The following MYOM2 variants were observed in gnomAD, a reference collection of about 807,000 sequenced individuals.
MYOM2 encodes myomesin 2, also known as myomesin-2.
In MYOM2, 254 loss-of-function variants were observed where a neutral mutation model predicts 187.6. That is an observed-to-expected ratio of 1.35 (90% CI 1.22 to 1.50). The LOEUF is 1.50. Among genes scored for constraint, MYOM2 ranks in the 40% most tolerant of loss-of-function variants. MYOM2 has a pLI of 0.00. For synonymous variants in MYOM2, 981 were observed against 753.8 expected, an observed-to-expected ratio of 1.30 and a Z score of -4.94; for missense variants, 2,796 against 1,924.0, an observed-to-expected ratio of 1.45 and a Z score of -8.48.
intron 6 of MYOM2, among the ~76,000 whole-genome samples, chr8:2,063,724 T>C (rs1818922836): frequency 6.6e-6 from 1 of 152,222 alleles, no homozygotes; most frequent in African/African-American, 2.4e-5. Flanking sequence ...CAGCTGCCCA[T>C]GAGAATTGAT....
chr8:2,105,827 C>T (rs1040098750), intron 21 of MYOM2, among the ~76,000 whole-genome samples: 1 of 152,178 alleles, frequency 6.6e-6, no homozygotes, highest in Non-Finnish European at 1.5e-5. Flanking sequence ...GGTACCCCCT[C>T]GGCATTAGTC....
At chr8:2,084,146 G>C (rs76919587) in intron 13 of MYOM2, among the ~76,000 whole-genome samples, 2,950 of 152,278 alleles carry the variant, frequency 0.019, 45 homozygotes, top group East Asian at 0.03. Flanking sequence ...TTTTTTCTGT[G>C]GGTATCTAGG....
intron 27 of MYOM2, among the ~76,000 whole-genome samples, chr8:2,117,212 A>G (rs1360345841): frequency 1.3e-5 from 2 of 152,190 alleles, no homozygotes; most frequent in East Asian, 3.8e-4. Context: ...CTTCTACATT[A>G]TGAACATTTT....
chr8:2,049,938 G>A (rs1188752203), intron 1 of MYOM2, among the ~76,000 whole-genome samples: 1 of 152,122 alleles, frequency 6.6e-6, no homozygotes, highest in East Asian at 1.9e-4. Flanking sequence ...ACATCCCTGA[G>A]GCTTTCATGC....
At chr8:2,061,494 C>CT (rs1019826005) in intron 6 of MYOM2, among the ~76,000 whole-genome samples, 3 of 152,196 alleles carry the variant, frequency 2.0e-5, no homozygotes, top group Admixed American at 6.5e-5. Context: ...GTTCCCGACT[C>CT]TACCTGGGGC....
chr8:2,064,581 G>A (rs1000667358), intron 6 of MYOM2, among the ~76,000 whole-genome samples: 1 of 152,214 alleles, frequency 6.6e-6, no homozygotes, highest in African/African-American at 2.4e-5. Context: ...TCTTCCCCCA[G>A]TGGCTCCTGC....
chr8:2,055,938 T>C (rs1818649777), intron 3 of MYOM2, among the ~76,000 whole-genome samples: 2 of 151,930 alleles, frequency 1.3e-5, no homozygotes, highest in South Asian at 4.2e-4. Flanking sequence ...CAGGCGGCGC[T>C]CCGGCTCGGC....
At chr8:2,126,617 G>A (rs1429362331) in intron 31 of MYOM2, among the ~76,000 whole-genome samples, 2 of 152,052 alleles carry the variant, frequency 1.3e-5, no homozygotes, top group African/African-American at 4.8e-5. Flanking sequence ...GGGAGGCTGG[G>A]GGAGCATTGG....
At chr8:2,062,949 C>A (rs2129331287) in intron 6 of MYOM2, among the ~76,000 whole-genome samples, 1 of 152,332 alleles carries the variant, frequency 6.6e-6, no homozygotes, top group East Asian at 1.9e-4. Flanking sequence ...ACGGAATGGA[C>A]TAATTTGTGA....
In MYOM2 at chr8:2,057,794, T is replaced by C. The variant is rs1331323438; in HGVS notation, c.560+14T>C. 6.2e-7 allele frequency: 1 copy of C among 1,610,958 alleles called. No homozygotes were observed. The highest frequency in any genetic ancestry group is 1.1e-5 in the South Asian group (1 of 90,894). On this transcript the variant is annotated intron_variant, in intron 5 of 36. Coordinates refer to ENST00000262113, the MANE Select transcript of MYOM2 (RefSeq NM_003970.4). ...CGTGGTGCAGTGGTGAGGGGCTCTG[T>C]TCCCAGGGGGTGAAGAAGTCCATTC...
At chr8:2,137,564 T>TGTG (rs1563082962) in intron 32 of MYOM2, among the ~76,000 whole-genome samples, 1 of 150,098 alleles carries the variant, frequency 6.7e-6, no homozygotes, top group African/African-American at 2.5e-5. Context: ...CTGTGCCTGG[T>TGTG]TGTGTGTGTG....
intron 5 of MYOM2, 73 bp from the exon 6 acceptor site, chr8:2,059,080 G>T: frequency 1.6e-6 from 2 of 1,287,634 alleles, no homozygotes; most frequent in Non-Finnish European, 2.2e-6. Flanking sequence ...AGGCGCGGGG[G>T]AGCTGGGGCA....
At chr8:2,126,226 CAG>C (rs1563073457) in intron 31 of MYOM2, among the ~76,000 whole-genome samples, 1 of 152,156 alleles carries the variant, frequency 6.6e-6, no homozygotes, top group South Asian at 2.1e-4. Context: ...TGGATAGGGA[CAG>C]AGGGGACAGG....
At chr8:2,124,864 G>C (rs1171398321) in intron 31 of MYOM2, among the ~76,000 whole-genome samples, 1 of 152,118 alleles carries the variant, frequency 6.6e-6, no homozygotes, top group African/African-American at 2.4e-5. Context: ...TATTTTTCAA[G>C]TATCTGTTGG....
At chr8:2,113,305 A>G (rs189066239) in intron 25 of MYOM2, among the ~76,000 whole-genome samples, 1 of 152,346 alleles carries the variant, frequency 6.6e-6, no homozygotes, top group Non-Finnish European at 1.5e-5. Flanking sequence ...GCTCAATGTC[A>G]GACACTGTAT....
At chr8:2,135,486 C>T (rs899792227) in intron 32 of MYOM2, among the ~76,000 whole-genome samples, 1 of 152,114 alleles carries the variant, frequency 6.6e-6, no homozygotes, top group African/African-American at 2.4e-5. Context: ...AACTGGAGCC[C>T]AGACCTTCTC....
At chr8:2,068,540 CTG>C (rs1284234828) in intron 6 of MYOM2, among the ~76,000 whole-genome samples, 1 of 151,608 alleles carries the variant, frequency 6.6e-6, no homozygotes, top group Non-Finnish European at 1.5e-5. Flanking sequence ...TCTTCAATGC[CTG>C]TGTGCACCAG....
chr8:2,054,308 C>T (rs1007244367), intron 3 of MYOM2, among the ~76,000 whole-genome samples: 1 of 152,058 alleles, frequency 6.6e-6, no homozygotes, highest in African/African-American at 2.4e-5. Flanking sequence ...GAAGATACGA[C>T]CCCGATGCTC....
rs368941695 is a variant in MYOM2, at chr8:2,064,443, C to G, written c.654-4835C>G. ...GCGCCTCCTGCATGGAGTGGGGCCA[C>G]CGCCGTCGTCAGTGGGTCGGGATCT... On this transcript the variant is annotated intron_variant, in intron 6 of 36. Coordinates refer to ENST00000262113, the MANE Select transcript of MYOM2 (RefSeq NM_003970.4). 1.1e-3 allele frequency among the ~76,000 whole-genome samples: 161 copies of G among 152,342 alleles called. 2 individuals carry two copies. In the South Asian group the frequency reaches 0.032, roughly 31 times the overall value.
Sources: gnomAD v4.1 joint callset for allele counts (sites outside exome capture counted in the v4.1 genomes callset) on GRCh38, gnomAD v4.1.1 for gene constraint, MANE v1.5 for transcripts, NCBI Gene and HGNC (gene_info 2026-07-23, HGNC 2026-07-21) for gene names.